ZEB2: variants seen among roughly 807,000 people sequenced by gnomAD.
ZEB2 encodes the protein zinc finger E-box-binding homeobox 2.
Under a neutral mutation model 99.9 loss-of-function variants are expected in ZEB2, and 6 were observed. The observed-to-expected ratio is 0.06, with a 90% CI of 0.03 to 0.12. The LOEUF (loss-of-function observed/expected upper bound fraction) is 0.12. Ranked by LOEUF, ZEB2 falls within the 10% of genes least tolerant of loss-of-function variation. The probability of loss-of-function intolerance (pLI) is 1.00; values close to 1 mark genes in which losing one functional copy is unlikely to be tolerated. For synonymous variants in ZEB2, 517 were observed against 542.5 expected, an observed-to-expected ratio of 0.95 and a Z score of 0.65; for missense variants, 969 against 1,502.8, an observed-to-expected ratio of 0.64 and a Z score of 5.87.
intron 2 of ZEB2, among the ~76,000 whole-genome samples, chr2:144,481,415 C>G (rs1365779): frequency 0.14 from 21,572 of 152,124 alleles, 1,950 homozygotes; most frequent in South Asian, 0.36. Context: ...ATTTTTATAG[C>G]AACATGGAAA....
At chr2:144,511,860 A>C in intron 2 of ZEB2, 1 of 1,287,228 alleles carries the variant, frequency 7.8e-7, no homozygotes, top group African/African-American at 1.5e-5. Flanking sequence ...CTCTGCTCTG[A>C]ATTATTTTTT....
At chr2:144,441,209 A>AGAGAGAGAGAGAGAGAGAGAG (rs1553965039) in intron 2 of ZEB2, among the ~76,000 whole-genome samples, 2 of 24,270 alleles carry the variant, frequency 8.2e-5, no homozygotes, top group African/African-American at 1.1e-4. Flanking sequence ...GAGAGAGAGA[A>AGAGAGAGAGAGAGAGAGAGAG]CCTCATGCCT....
chr2:144,481,446 T>C (rs1704509955), intron 2 of ZEB2, among the ~76,000 whole-genome samples: 1 of 152,240 alleles, frequency 6.6e-6, no homozygotes, highest in East Asian at 1.9e-4. Context: ...AAAGCCATTA[T>C]ATTAACTCAA....
chr2:144,465,255 G>A (rs1704255722), intron 2 of ZEB2, among the ~76,000 whole-genome samples: 1 of 152,166 alleles, frequency 6.6e-6, no homozygotes, highest in South Asian at 2.1e-4. Flanking sequence ...TGAGCACTGA[G>A]ATTTTACTTC....
Position 144,389,085 on chromosome 2 carries a change from TA to T in ZEB2, c.*365del. ...ATGTATGGTAGTGCGGGCACCTTTTTAAAATGTATTAATATAAATTAGACAT... is the reference window on the plus strand; with the variant it reads ...ATGTATGGTAGTGCGGGCACCTTTTTAAATGTATTAATATAAATTAGACAT... On this transcript the variant is annotated 3_prime_UTR_variant, in exon 10 of 10. Transcript: ENST00000627532. The surrounding 1 kb of genome is among the most constrained non-coding windows in gnomAD (Gnocchi z 6.8). 1 of 504,862 alleles carries T rather than the reference TA, an allele frequency of 2.0e-6. No individual in the cohort carries two copies. Among genetic ancestry groups the T allele is most frequent in the South Asian group, 2.7e-5 (1 of 36,862 alleles). 31.3% of individuals were successfully genotyped at this position (504,862 alleles called of 1,614,324 possible). A position where few individuals can be genotyped will look rare whatever the true frequency, so the allele number is the denominator to read the frequency against.
intron 2 of ZEB2, among the ~76,000 whole-genome samples, chr2:144,499,369 C>T (rs538260758): frequency 5.9e-5 from 9 of 152,248 alleles, no homozygotes; most frequent in Non-Finnish European, 1.2e-4. Flanking sequence ...AGTAAAAATA[C>T]AGCGTAAATA....
chr2:144,388,690 G>A lies in ZEB2; in HGVS notation c.*761C>T. The A allele has an allele frequency of 4.4e-6, 1 of 228,674 alleles. No individual in the cohort carries two copies. Among genetic ancestry groups the A allele is most frequent in the South Asian group, 4.9e-5 (1 of 20,300 alleles). 14.2% of individuals were successfully genotyped at this position (228,674 alleles called of 1,614,324 possible). On this transcript the variant is annotated 3_prime_UTR_variant, in exon 10 of 10. Coordinates refer to ENST00000627532, the MANE Select transcript of ZEB2 (RefSeq NM_014795.4). The surrounding 1 kb of genome is among the most constrained non-coding windows in gnomAD (Gnocchi z 5.4). ...AGCTTAACACTGAAGCTGGTGCAAA[G>A]GTAACCCATGTTACCCTCTTAACAC...
chr2:144,440,515 A>ATATATATATATATATAT (rs1703899127), intron 2 of ZEB2, among the ~76,000 whole-genome samples: 1 of 32,836 alleles, frequency 3.0e-5, no homozygotes, highest in African/African-American at 7.9e-5. Context: ...ATATATATAT[A>ATATATATATATATATAT]TTTTTTTTTT....
chr2:144,438,367 C>T (rs1703863678), intron 2 of ZEB2, among the ~76,000 whole-genome samples: 1 of 151,878 alleles, frequency 6.6e-6, no homozygotes, highest in Non-Finnish European at 1.5e-5. Flanking sequence ...TTCAAGGTAG[C>T]AAGAGGTGTG....
At chr2:144,516,697 C>T (rs1705152023) in intron 2 of ZEB2, 1 of 151,962 alleles carries the variant, frequency 6.6e-6, no homozygotes, top group African/African-American at 2.4e-5. Flanking sequence ...CCTCCCACCC[C>T]GGGGTCTGGG....
At chr2:144,488,003 G>T (rs1225758370) in intron 2 of ZEB2, among the ~76,000 whole-genome samples, 1 of 152,124 alleles carries the variant, frequency 6.6e-6, no homozygotes, top group East Asian at 1.9e-4. Flanking sequence ...TTCAATGGGG[G>T]TATCTGAGCT....
intron 4 of ZEB2, among the ~76,000 whole-genome samples, chr2:144,421,888 A>C (rs1433635035): frequency 6.6e-6 from 1 of 152,150 alleles, no homozygotes; most frequent in African/African-American, 2.4e-5. Flanking sequence ...CTATATTCCC[A>C]TATCTATATA....
At chr2:144,412,140 A>G (rs1042092301) in intron 4 of ZEB2, among the ~76,000 whole-genome samples, 7 of 152,178 alleles carry the variant, frequency 4.6e-5, no homozygotes, top group South Asian at 4.1e-4. Context: ...GTGGTGGCAC[A>G]TGCCTATAAT....
At chr2:144,426,274 A>G (rs541928824) in intron 3 of ZEB2, among the ~76,000 whole-genome samples, 16 of 152,304 alleles carry the variant, frequency 1.1e-4, no homozygotes, top group African/African-American at 3.9e-4. Flanking sequence ...TGTATTGTCA[A>G]TTGTAATCAT....
chr2:144,510,559 G>A (rs1381119924), intron 2 of ZEB2, among the ~76,000 whole-genome samples: 3 of 152,282 alleles, frequency 2.0e-5, no homozygotes, highest in South Asian at 2.1e-4. Flanking sequence ...ATGCCATCTT[G>A]TAACACTATA....
rs778676709 is a variant in ZEB2 at position 144,398,807 on chromosome 2, TAGA to T, written c.2377_2379del (p.Ser793del). 1 of 1,614,128 alleles carries T rather than the reference TAGA, an allele frequency of 6.2e-7. No individual in the cohort carries two copies. Among genetic ancestry groups the T allele is most frequent in the Non-Finnish European group, 8.5e-7 (1 of 1,180,026 alleles). ...GTGTATGAACTACTGTGGGAGTTTT[TAGA>T]AGATGTGGAGGAAAGATTTAAGGGA... On this transcript the variant is annotated inframe_deletion, in exon 8 of 10. Transcript: ENST00000627532.
chr2:144,484,243 C>T (rs907836519), intron 2 of ZEB2, among the ~76,000 whole-genome samples: 1 of 121,196 alleles, frequency 8.3e-6, no homozygotes, highest in African/African-American at 2.9e-5. Context: ...TATTGGCAAC[C>T]AATTCAAATG....
intron 2 of ZEB2, chr2:144,516,457 C>T (rs952329159): frequency 7.3e-6 from 1 of 136,158 alleles, no homozygotes; most frequent in Admixed American, 7.6e-5. Context: ...TAATATCCCA[C>T]CTCTGATCTG....
At chr2:144,400,314 T>A (rs1703293639) in intron 7 of ZEB2, 44 bp from the exon 8 acceptor site, 4 of 1,586,700 alleles carry the variant, frequency 2.5e-6, no homozygotes, top group Middle Eastern at 1.7e-4. Flanking sequence ...CTTGATTAGA[T>A]AACAATTGCA....
Sources: gnomAD v4.1 joint callset for allele counts (sites outside exome capture counted in the v4.1 genomes callset) on GRCh38, gnomAD v4.1.1 for gene constraint, Gnocchi (gnomAD v3.1) non-coding constraint, MANE v1.5 for transcripts, NCBI Gene and HGNC (gene_info 2026-07-23, HGNC 2026-07-21) for gene names.